The following CD2AP variants were observed in gnomAD, a reference collection of about 807,000 sequenced individuals.
CD2AP encodes CD2-associated protein.
A neutral mutation model predicts 85.1 loss-of-function variants in CD2AP; 46 were observed. That is an observed-to-expected ratio of 0.54 (90% confidence interval 0.43 to 0.69). CD2AP has a LOEUF of 0.69. CD2AP is among the 30% of genes least tolerant of loss of function. The pLI is 0.00. For missense variants in CD2AP, 769 were observed against 729.5 expected (o/e 1.05, Z -0.62); for synonymous variants, 255 against 252.9 (o/e 1.01, Z -0.08).
chr6:47,595,057 C>T (rs1768902019), intron 11 of CD2AP, among the ~76,000 whole-genome samples: 1 of 151,882 alleles, frequency 6.6e-6, no homozygotes, highest in South Asian at 2.1e-4. Context: ...TAGCTGACTG[C>T]TGTATTATGA....
Position 47,624,822 on chromosome 6 carries a change from G to A in CD2AP, c.*595G>A, listed in dbSNP as rs1390673693. On this transcript the variant is annotated 3_prime_UTR_variant, in exon 18 of 18. Coordinates refer to ENST00000359314, the MANE Select transcript of CD2AP (RefSeq NM_012120.3). ...GTTTATATTTTGGGTGATGAAATAG[G>A]AGTTTCCTAGCTATATAAACCAGAT... 6.6e-6 allele frequency: 1 copy of A among 151,438 alleles called. No homozygotes were observed. 9.4% of individuals were successfully genotyped at this position (151,438 alleles called of 1,614,324 possible).
intron 1 of CD2AP, among the ~76,000 whole-genome samples, chr6:47,496,687 C>T (rs1008903133): frequency 1.3e-5 from 2 of 152,102 alleles, no homozygotes; most frequent in African/African-American, 2.4e-5. Context: ...TATTTCCTTG[C>T]CTCATTGTTC....
intron 5 of CD2AP, among the ~76,000 whole-genome samples, chr6:47,566,301 A>AATATATATATATATATATATATATAT (rs71831752): frequency 2.5e-4 from 27 of 110,092 alleles, no homozygotes; most frequent in South Asian, 7.2e-4. Context: ...TGCTCATTAG[A>AATATATATATATATATATATATATAT]ATATATATAT....
chr6:47,581,993 T>C lies in CD2AP; in HGVS notation c.1046-10T>C. On this transcript the variant is annotated splice_polypyrimidine_tract_variant and intron_variant, in intron 10 of 17. Coordinates refer to ENST00000359314, the MANE Select transcript of CD2AP (RefSeq NM_012120.3). ...TCTTCTTAAAAAAGTATTAATGTTT[T>C]TTCCCATAGCTCCAAAGCCTGAACT... The C allele has an allele frequency of 6.3e-7, 1 of 1,584,668 alleles. No individual in the cohort carries two copies. The highest frequency in any genetic ancestry group is 8.7e-7 in the Non-Finnish European group (1 of 1,153,406).
chr6:47,562,608 C>G (rs1157549183), intron 5 of CD2AP: 5 of 423,182 alleles, frequency 1.2e-5, no homozygotes, highest in Non-Finnish European at 1.7e-5. Flanking sequence ...TCACCTGAAC[C>G]CACTGCTGTG....
At position 47,554,874 on chromosome 6, in the gene CD2AP, C is replaced by T. The variant is rs765677803; in HGVS notation, c.541+108C>T. ...CTGTTCTTTCTTTTGAACTTTGAGT[C>T]AGCTTCAATTAGTCTACTTTAAAAA... On this transcript the variant is annotated intron_variant, in intron 5 of 17. Transcript: ENST00000359314. The T allele has an allele frequency of 2.0e-4, 230 of 1,140,432 alleles. 1 individual carries two copies. Among genetic ancestry groups the T allele is most frequent in the Admixed American group, 2.1e-4 (9 of 42,354 alleles). The allele number at this position is 1,140,432 out of a possible 1,614,324, so 70.6% of individuals were successfully genotyped here. A position where few individuals can be genotyped will look rare whatever the true frequency, so the allele number is the denominator to read the frequency against.
chr6:47,512,137 A>G (rs1006918045), intron 2 of CD2AP, among the ~76,000 whole-genome samples: 10 of 143,934 alleles, frequency 6.9e-5, no homozygotes, highest in Non-Finnish European at 9.1e-5. Context: ...CAGCCTGGGC[A>G]ACAGAGCGAG....
intron 1 of CD2AP, among the ~76,000 whole-genome samples, chr6:47,498,453 T>A (rs1765923947): frequency 6.6e-6 from 1 of 152,232 alleles, no homozygotes; most frequent in African/African-American, 2.4e-5. Flanking sequence ...CTCACAGACC[T>A]GTTTCCATTT....
At chr6:47,503,257 T>A (rs1268896268) in intron 1 of CD2AP, 23 bp from the exon 2 acceptor site, 2 of 1,608,772 alleles carry the variant, frequency 1.2e-6, no homozygotes, top group East Asian at 4.5e-5. Context: ...TTTTAGACAT[T>A]TCGTTTTTTC....
At chr6:47,535,352 A>G (rs991225838) in intron 3 of CD2AP, among the ~76,000 whole-genome samples, 2 of 152,228 alleles carry the variant, frequency 1.3e-5, no homozygotes. Context: ...AATATTCTAC[A>G]ATAAAGAAAT....
chr6:47,582,824 C>T (rs1410685587), intron 11 of CD2AP, among the ~76,000 whole-genome samples: 2 of 150,268 alleles, frequency 1.3e-5, no homozygotes, highest in Non-Finnish European at 3.0e-5. Flanking sequence ...GCTCTCTGGC[C>T]CAGGCTGGAG....
intron 6 of CD2AP, among the ~76,000 whole-genome samples, chr6:47,575,127 A>G (rs759290520): frequency 2.0e-5 from 3 of 152,120 alleles, no homozygotes; most frequent in Non-Finnish European, 4.4e-5. Context: ...GAGAACTTCC[A>G]CTTTCTATCC....
At chr6:47,513,896 G>GT (rs1488636246) in intron 2 of CD2AP, among the ~76,000 whole-genome samples, 3 of 148,598 alleles carry the variant, frequency 2.0e-5, no homozygotes, top group Non-Finnish European at 4.5e-5. Context: ...TTTTTTTGGG[G>GT]GGGGGGCTAG....
intron 11 of CD2AP, among the ~76,000 whole-genome samples, chr6:47,583,116 A>G (rs1035777683): frequency 6.6e-6 from 1 of 151,820 alleles, no homozygotes; most frequent in Non-Finnish European, 1.5e-5. Flanking sequence ...TGTTTTTTAG[A>G]GCAGTTTTAG....
chr6:47,539,672 T>C lies in CD2AP; in HGVS notation c.320-4934T>C, dbSNP rs201510605. On this transcript the variant is annotated intron_variant, in intron 3 of 17. Coordinates refer to ENST00000359314, the MANE Select transcript of CD2AP (RefSeq NM_012120.3). ...CTTTTTTTCTCATTGGTAAATGAGA[T>C]AGTGAGTGTTAATGCTTTGTTGTGT... is the stretch of plus-strand genomic sequence containing the variant. Among the ~76,000 whole-genome samples, 16 of 152,292 alleles carry C rather than the reference T, an allele frequency of 1.1e-4. No individual in the cohort carries two copies. In the East Asian group the frequency reaches 3.1e-3, roughly 29 times the overall value.
intron 13 of CD2AP, among the ~76,000 whole-genome samples, chr6:47,602,806 G>A (rs1193024624): frequency 2.0e-5 from 3 of 151,854 alleles, no homozygotes; most frequent in Non-Finnish European, 4.4e-5. Context: ...AGGCTGAGGT[G>A]AGAGGGTTTC....
rs560688807 is a variant in CD2AP, at chr6:47,598,337, T to A, written c.1275-964T>A. ...CTAGTAGAACCACTATGGAAAGCAG[T>A]GTGGAGATTCCTTAAAGAACTAAAA... On this transcript the variant is annotated intron_variant, in intron 12 of 17. Coordinates refer to ENST00000359314, the MANE Select transcript of CD2AP (RefSeq NM_012120.3). Among the ~76,000 whole-genome samples, 4 of 151,240 alleles carry A rather than the reference T, an allele frequency of 2.6e-5. No homozygotes were observed. The East Asian group carries it at 7.7e-4, about 29-fold the overall frequency.
At chr6:47,605,183 G>A (rs1201952505) in intron 13 of CD2AP, among the ~76,000 whole-genome samples, 1 of 151,944 alleles carries the variant, frequency 6.6e-6, no homozygotes, top group Non-Finnish European at 1.5e-5. Context: ...TTAGACCAAA[G>A]GAATCTGCTA....
At chr6:47,541,131 T>C (rs1200313770) in intron 3 of CD2AP, among the ~76,000 whole-genome samples, 2 of 152,234 alleles carry the variant, frequency 1.3e-5, no homozygotes, top group Non-Finnish European at 2.9e-5. Flanking sequence ...TTTTCCTTTT[T>C]TTTATTTTTT....
Sources: allele counts gnomAD v4.1 joint callset (sites outside exome capture counted in the v4.1 genomes callset), GRCh38; gene constraint gnomAD v4.1.1; transcripts MANE v1.5; gene names NCBI Gene and HGNC (gene_info 2026-07-23, HGNC 2026-07-21).